The following KAZN variants were observed in gnomAD, a reference collection of about 807,000 sequenced individuals.
KAZN encodes kazrin, periplakin interacting protein.
Under a neutral mutation model 87.4 loss-of-function variants are expected in KAZN, and 40 were observed. The ratio of observed to expected loss-of-function variants is 0.46; its 90% confidence interval spans 0.36 to 0.60. KAZN has a LOEUF of 0.60. KAZN is among the 20% of genes least tolerant of loss of function. The probability of loss-of-function intolerance (pLI) is 0.00; values close to 1 mark genes in which losing one functional copy is unlikely to be tolerated. For synonymous variants in KAZN, 466 were observed against 458.3 expected (o/e 1.02, Z -0.22); for missense variants, 898 against 1,073.9 (o/e 0.84, Z 2.29).
At chr1:14,787,964 AC>A (rs1424144010) in intron 1 of KAZN, among the ~76,000 whole-genome samples, 24 of 152,300 alleles carry the variant, frequency 1.6e-4, no homozygotes, top group Non-Finnish European at 3.1e-4. Flanking sequence ...CCAGAAGAAA[AC>A]CAAGCCAATC....
intron 2 of KAZN, among the ~76,000 whole-genome samples, chr1:14,420,335 A>G (rs1462300789): frequency 1.3e-5 from 2 of 152,224 alleles, no homozygotes; most frequent in African/African-American, 4.8e-5. Flanking sequence ...AGCTAGACAC[A>G]GGGTGCTGAT....
chr1:14,910,211 ACC>A (rs1657098838), intron 1 of KAZN, among the ~76,000 whole-genome samples: 1 of 151,892 alleles, frequency 6.6e-6, no homozygotes, highest in African/African-American at 2.4e-5. Context: ...TTCATTCCTG[ACC>A]TTTAGCCATG....
chr1:14,755,926 G>A (rs1252286602), intron 1 of KAZN, among the ~76,000 whole-genome samples: 1 of 152,204 alleles, frequency 6.6e-6, no homozygotes, highest in African/African-American at 2.4e-5. Flanking sequence ...CGCCCCACAG[G>A]CTGCAAAGGA....
chr1:14,213,673 T>C (rs1240175232), intron 2 of KAZN, among the ~76,000 whole-genome samples: 1 of 152,138 alleles, frequency 6.6e-6, no homozygotes, highest in Non-Finnish European at 1.5e-5. Flanking sequence ...AAGAAACCAG[T>C]AGAGGGTTTG....
At chr1:14,971,357 C>T (rs1665006607) in intron 2 of KAZN, among the ~76,000 whole-genome samples, 1 of 152,108 alleles carries the variant, frequency 6.6e-6, no homozygotes, top group African/African-American at 2.4e-5. Flanking sequence ...GAGATTGCGC[C>T]GCGGCACGCC....
chr1:14,714,461 C>A (rs1278796471), intron 1 of KAZN, among the ~76,000 whole-genome samples: 1 of 152,156 alleles, frequency 6.6e-6, no homozygotes, highest in Non-Finnish European at 1.5e-5. Flanking sequence ...CTGGTCTACC[C>A]TGGAACCTCT....
intron 2 of KAZN, among the ~76,000 whole-genome samples, chr1:14,402,331 T>C (rs750801847): frequency 3.6e-4 from 54 of 152,104 alleles, no homozygotes; most frequent in Non-Finnish European, 6.0e-4. Context: ...ATAACACTCA[T>C]TGAGTTCTTA....
chr1:14,026,151 G>A (rs1472584320), intron 1 of KAZN, among the ~76,000 whole-genome samples: 1 of 152,158 alleles, frequency 6.6e-6, no homozygotes, highest in Non-Finnish European at 1.5e-5. Flanking sequence ...AATCTTCTCT[G>A]TGTTCCAGAG....
At chr1:13,986,891 C>T (rs1639043609) in intron 1 of KAZN, among the ~76,000 whole-genome samples, 1 of 152,216 alleles carries the variant, frequency 6.6e-6, no homozygotes, top group South Asian at 2.1e-4. Flanking sequence ...TCTGCTACAG[C>T]CTTGTGAGTT....
intron 1 of KAZN, among the ~76,000 whole-genome samples, chr1:14,960,104 AT>A (rs975141510): frequency 2.6e-5 from 4 of 152,118 alleles, no homozygotes; most frequent in Non-Finnish European, 5.9e-5. Flanking sequence ...CCTCGAGGGT[AT>A]GTGTTTTGCA....
intron 1 of KAZN, among the ~76,000 whole-genome samples, chr1:14,874,239 C>T (rs1557577673): frequency 6.6e-6 from 1 of 151,886 alleles, no homozygotes. Context: ...ATTTGGAGGT[C>T]GGAAGGGGGA....
chr1:13,988,025 T>A (rs1256508829), intron 1 of KAZN, among the ~76,000 whole-genome samples: 5 of 152,142 alleles, frequency 3.3e-5, no homozygotes, highest in Non-Finnish European at 7.4e-5. Flanking sequence ...ACTTTTATAA[T>A]TGACATTGAT....
At chr1:14,742,892 C>G (rs1644149353) in intron 1 of KAZN, among the ~76,000 whole-genome samples, 1 of 152,192 alleles carries the variant, frequency 6.6e-6, no homozygotes. Flanking sequence ...ACCCACGGCT[C>G]AGAGACGGAG....
intron 1 of KAZN, among the ~76,000 whole-genome samples, chr1:14,943,027 T>C (rs1163837822): frequency 5.8e-5 from 8 of 137,366 alleles, no homozygotes; most frequent in African/African-American, 2.0e-4. Context: ...TGTGTGTGTG[T>C]GTGTGTGTGT....
intron 1 of KAZN, among the ~76,000 whole-genome samples, chr1:14,085,935 G>GA (rs1643840068): frequency 6.6e-6 from 1 of 152,158 alleles, no homozygotes; most frequent in Admixed American, 6.5e-5. Flanking sequence ...ATGGCCATAT[G>GA]AAAAAATGTG....
chr1:14,728,028 G>A (rs12141612), intron 1 of KAZN, among the ~76,000 whole-genome samples: 46,171 of 151,398 alleles, frequency 0.3, 7,157 homozygotes, highest in South Asian at 0.37. Flanking sequence ...CCTCACGCCT[G>A]TAATCCCAGC....
intron 1 of KAZN, among the ~76,000 whole-genome samples, chr1:14,000,927 C>T (rs1570493248): frequency 2.0e-5 from 3 of 151,132 alleles, no homozygotes; most frequent in African/African-American, 7.3e-5. Context: ...GGACTACAGG[C>T]GCCCGCCACT....
chr1:14,461,851 T>A (rs1013309959), intron 2 of KAZN, among the ~76,000 whole-genome samples: 5 of 151,644 alleles, frequency 3.3e-5, no homozygotes, highest in African/African-American at 1.2e-4. Flanking sequence ...ACTGAAAACA[T>A]TCCTGGGAGG....
At chr1:14,372,679 T>C (rs1387220428) in intron 2 of KAZN, among the ~76,000 whole-genome samples, 1 of 152,230 alleles carries the variant, frequency 6.6e-6, no homozygotes, top group Non-Finnish European at 1.5e-5. Context: ...TGATTCTGTA[T>C]TGAGTTTTCT....
Sources: gnomAD v4.1 joint callset for allele counts (sites outside exome capture counted in the v4.1 genomes callset) on GRCh38, gnomAD v4.1.1 for gene constraint, MANE v1.5 for transcripts, NCBI Gene and HGNC (gene_info 2026-07-23, HGNC 2026-07-21) for gene names.